The following LRRTM4 variants were observed in gnomAD, a reference collection of about 807,000 sequenced individuals.
LRRTM4 encodes the protein leucine-rich repeat transmembrane neuronal protein 4.
Under a neutral mutation model 47.6 loss-of-function variants are expected in LRRTM4, and 25 were observed. The ratio of observed to expected loss-of-function variants is 0.53; its 90% confidence interval spans 0.38 to 0.73. The LOEUF is 0.73. Among genes scored for constraint, LRRTM4 ranks in the 30% least tolerant of loss-of-function variants. The probability of loss-of-function intolerance (pLI) is 0.00; values close to 1 mark genes in which losing one functional copy is unlikely to be tolerated. For synonymous variants in LRRTM4, 311 were observed against 269.5 expected (o/e 1.15, Z -1.51); for missense variants, 638 against 713.4 (o/e 0.89, Z 1.20).
intron 3 of LRRTM4, among the ~76,000 whole-genome samples, chr2:77,010,070 A>G (rs183831766): frequency 2.4e-4 from 36 of 152,066 alleles, no homozygotes; most frequent in Admixed American, 2.1e-3. Context: ...ATATATGTAT[A>G]TGTTTTGGAA....
intron 3 of LRRTM4, among the ~76,000 whole-genome samples, chr2:77,198,956 G>C (rs938849059): frequency 6.6e-6 from 1 of 152,118 alleles, no homozygotes; most frequent in Non-Finnish European, 1.5e-5. Flanking sequence ...GACTCCAGTG[G>C]CCTGTTACCC....
rs191739808 is a variant in LRRTM4, at chr2:76,869,401, G to T, written c.1552-120485C>A. ...CTTTGTCTTTCAGATTGTACAACAG[G>T]AATAGTCACCAGTTTTGTATATTTC... On this transcript the variant is annotated intron_variant, in intron 3 of 3. Coordinates refer to ENST00000409884, the MANE Select transcript of LRRTM4 (RefSeq NM_001134745.3). 1.7e-3 allele frequency among the ~76,000 whole-genome samples: 264 copies of T among 152,212 alleles called. 2 individuals carry two copies. The highest frequency in any genetic ancestry group is 6.0e-3 in the African/African-American group (251 of 41,544).
chr2:77,196,803 G>A (rs570157551), intron 3 of LRRTM4, among the ~76,000 whole-genome samples: 1 of 152,128 alleles, frequency 6.6e-6, no homozygotes, highest in South Asian at 2.1e-4. Flanking sequence ...AAATTTAAAA[G>A]GAAATAATTG....
chr2:77,064,410 G>A (rs936897800), intron 3 of LRRTM4, among the ~76,000 whole-genome samples: 3 of 152,120 alleles, frequency 2.0e-5, no homozygotes, highest in African/African-American at 4.8e-5. Context: ...CTAAGAAATG[G>A]TATCTTAATA....
At chr2:77,067,142 A>T (rs1679983008) in intron 3 of LRRTM4, among the ~76,000 whole-genome samples, 1 of 152,228 alleles carries the variant, frequency 6.6e-6, no homozygotes, top group East Asian at 1.9e-4. Flanking sequence ...GTTGGAAAAT[A>T]AGCAAAGTGA....
chr2:77,205,230 T>G (rs972332408), intron 3 of LRRTM4, among the ~76,000 whole-genome samples: 3 of 152,194 alleles, frequency 2.0e-5, no homozygotes, highest in Non-Finnish European at 2.9e-5. Context: ...TGTTTTTAGT[T>G]TTGTTTTGTT....
intron 3 of LRRTM4, among the ~76,000 whole-genome samples, chr2:76,999,979 A>G (rs1203460535): frequency 6.6e-6 from 1 of 152,096 alleles, no homozygotes; most frequent in African/African-American, 2.4e-5. Context: ...ACAGACAATG[A>G]TAATAGCTTC....
intron 3 of LRRTM4, among the ~76,000 whole-genome samples, chr2:76,924,072 C>T (rs764982486): frequency 6.6e-6 from 1 of 151,990 alleles, no homozygotes; most frequent in Non-Finnish European, 1.5e-5. Flanking sequence ...AATATACTGG[C>T]TCCTTAATTA....
At chr2:76,782,648 T>C (rs1674465216) in intron 3 of LRRTM4, among the ~76,000 whole-genome samples, 1 of 152,206 alleles carries the variant, frequency 6.6e-6, no homozygotes, top group Non-Finnish European at 1.5e-5. Flanking sequence ...GCTTTTTTGC[T>C]TACATTTTGA....
At chr2:77,151,834 T>C (rs1431711863) in intron 3 of LRRTM4, among the ~76,000 whole-genome samples, 1 of 152,130 alleles carries the variant, frequency 6.6e-6, no homozygotes, top group Non-Finnish European at 1.5e-5. Context: ...CAAACATTTT[T>C]TTAAAAAAAT....
intron 3 of LRRTM4, among the ~76,000 whole-genome samples, chr2:76,893,474 G>A (rs1356806290): frequency 6.6e-6 from 1 of 151,378 alleles, no homozygotes; most frequent in East Asian, 1.9e-4. Flanking sequence ...CAACCAAATG[G>A]CTCTAAATAC....
At chr2:77,049,157 T>TATATATATATATAC (rs1351971551) in intron 3 of LRRTM4, among the ~76,000 whole-genome samples, 34 of 106,336 alleles carry the variant, frequency 3.2e-4, no homozygotes, top group South Asian at 1.8e-3. Context: ...TATATATATA[T>TATATATATATATAC]ACACACACAC....
chr2:76,975,621 G>A (rs1446710), intron 3 of LRRTM4, among the ~76,000 whole-genome samples: 85,434 of 151,254 alleles, frequency 0.56, 25,932 homozygotes, highest in African/African-American at 0.78. Context: ...CCAACAGCCA[G>A]AAGATGGTCA....
intron 3 of LRRTM4, among the ~76,000 whole-genome samples, chr2:76,837,497 G>T (rs1404471980): frequency 6.6e-6 from 1 of 151,942 alleles, no homozygotes; most frequent in African/African-American, 2.4e-5. Flanking sequence ...GATCTTTCCT[G>T]CTTTCTCTTG....
chr2:77,050,429 T>A (rs570269077), intron 3 of LRRTM4, among the ~76,000 whole-genome samples: 1 of 152,318 alleles, frequency 6.6e-6, no homozygotes, highest in African/African-American at 2.4e-5. Flanking sequence ...TATTACCTTG[T>A]AAATAGCATA....
chr2:77,455,845 C>G (rs1025725986), intron 3 of LRRTM4, among the ~76,000 whole-genome samples: 2 of 152,050 alleles, frequency 1.3e-5, no homozygotes, highest in African/African-American at 2.4e-5. Flanking sequence ...TCATTTGGAA[C>G]AGCCCACTCT....
chr2:77,370,813 C>T (rs1672629731), intron 3 of LRRTM4, among the ~76,000 whole-genome samples: 3 of 151,610 alleles, frequency 2.0e-5, no homozygotes, highest in African/African-American at 4.8e-5. Context: ...ATGCATTCGC[C>T]GAGTGCCTCT....
At chr2:77,057,954 T>A (rs1270942427) in intron 3 of LRRTM4, among the ~76,000 whole-genome samples, 2 of 152,186 alleles carry the variant, frequency 1.3e-5, no homozygotes, top group Non-Finnish European at 2.9e-5. Context: ...ATTTTCTGTA[T>A]CAGCTTTTCC....
At chr2:76,868,477 G>A (rs940520197) in intron 3 of LRRTM4, among the ~76,000 whole-genome samples, 1 of 152,022 alleles carries the variant, frequency 6.6e-6, no homozygotes, top group African/African-American at 2.4e-5. Flanking sequence ...CACTGTTCGT[G>A]GTTAATTTTT....
Sources: gnomAD v4.1 joint callset for allele counts (sites outside exome capture counted in the v4.1 genomes callset) on GRCh38, gnomAD v4.1.1 for gene constraint, MANE v1.5 for transcripts, NCBI Gene and HGNC (gene_info 2026-07-23, HGNC 2026-07-21) for gene names.